Variants in CTNNA2 observed in about 807,000 individuals in gnomAD.
CTNNA2 encodes catenin alpha 2, also known as catenin alpha-2.
Under a neutral mutation model 101.0 loss-of-function variants are expected in CTNNA2, and 42 were observed. That is an observed-to-expected ratio of 0.42 (90% CI 0.32 to 0.54). CTNNA2 has a LOEUF of 0.54. Among genes scored for constraint, CTNNA2 ranks in the 20% least tolerant of loss-of-function variants. The pLI is 0.14. For synonymous variants in CTNNA2, 450 were observed against 456.4 expected (o/e 0.99, Z 0.18); for missense variants, 871 against 1,223.1 (o/e 0.71, Z 4.29).
intron 3 of CTNNA2, among the ~76,000 whole-genome samples, chr2:79,831,477 A>G (rs1376531880): frequency 6.6e-6 from 1 of 152,018 alleles, no homozygotes; most frequent in Non-Finnish European, 1.5e-5. Context: ...ATGTTCTTAG[A>G]TAAACAAGGT....
At chr2:79,541,944 T>C (rs1283170530) in intron 1 of CTNNA2, among the ~76,000 whole-genome samples, 9 of 152,106 alleles carry the variant, frequency 5.9e-5, no homozygotes, top group Admixed American at 5.2e-4. Flanking sequence ...ATAATTTTTA[T>C]GGAATGTGTG....
chr2:79,661,268 C>A (rs1035671047), intron 2 of CTNNA2, among the ~76,000 whole-genome samples: 1 of 152,112 alleles, frequency 6.6e-6, no homozygotes, highest in African/African-American at 2.4e-5. Flanking sequence ...AGTTAAGTAG[C>A]AAAACTTGTG....
intron 3 of CTNNA2, among the ~76,000 whole-genome samples, chr2:79,330,425 C>T (rs570515536): frequency 1.2e-4 from 19 of 152,196 alleles, no homozygotes; most frequent in East Asian, 7.7e-4. Context: ...GTGAAACTCA[C>T]GGGACTCAAC....
intron 9 of CTNNA2, among the ~76,000 whole-genome samples, chr2:80,507,034 G>A (rs1049697346): frequency 6.6e-6 from 1 of 152,176 alleles, no homozygotes; most frequent in African/African-American, 2.4e-5. Flanking sequence ...TGATTATTGT[G>A]ATGAAAGAGT....
chr2:79,637,244 A>G (rs17017378), intron 1 of CTNNA2, among the ~76,000 whole-genome samples: 16,688 of 152,254 alleles, frequency 0.11, 1,241 homozygotes, highest in East Asian at 0.36. Flanking sequence ...CTGCCTGGAA[A>G]GAGCCAGAAA....
intron 7 of CTNNA2, among the ~76,000 whole-genome samples, chr2:80,232,345 G>GTTTTTTTT (rs61454985): frequency 6.8e-4 from 44 of 64,792 alleles, no homozygotes; most frequent in Non-Finnish European, 9.0e-4. Flanking sequence ...TTGTTTGTTT[G>GTTTTTTTT]TTTTTTTTTT....
chr2:80,061,836 G>A (rs1262425079), intron 7 of CTNNA2, among the ~76,000 whole-genome samples: 1 of 152,014 alleles, frequency 6.6e-6, no homozygotes, highest in East Asian at 1.9e-4. Flanking sequence ...AGTGAATGAG[G>A]GAATGCATGA....
At chr2:80,642,863 G>C (rs1368554388) in intron 18 of CTNNA2, among the ~76,000 whole-genome samples, 1 of 152,120 alleles carries the variant, frequency 6.6e-6, no homozygotes, top group Non-Finnish European at 1.5e-5. Context: ...CTTTGCTCCA[G>C]TCTTTCTGCC....
intron 7 of CTNNA2, among the ~76,000 whole-genome samples, chr2:80,058,559 A>G (rs565590771): frequency 6.6e-6 from 1 of 152,350 alleles, no homozygotes. Context: ...CCAACCCAGC[A>G]AAATGTGTTA....
At chr2:79,955,196 T>G (rs879728516) in intron 7 of CTNNA2, among the ~76,000 whole-genome samples, 2 of 152,194 alleles carry the variant, frequency 1.3e-5, no homozygotes, top group Non-Finnish European at 2.9e-5. Context: ...TTTAGATCTC[T>G]TCATCTTGAT....
intron 7 of CTNNA2, among the ~76,000 whole-genome samples, chr2:80,171,050 C>T (rs1705017952): frequency 1.3e-5 from 2 of 152,162 alleles, no homozygotes; most frequent in Non-Finnish European, 2.9e-5. Flanking sequence ...TAAATACTAG[C>T]TCTGAAAAAG....
rs547273495 is a variant in CTNNA2 at position 79,573,285 on chromosome 2, C to A, written c.-6+60078C>A. 2.6e-4 allele frequency among the ~76,000 whole-genome samples: 39 copies of A among 152,290 alleles called. No individual in the cohort carries two copies. The South Asian group carries it at 7.9e-3, about 31-fold the overall frequency. On this transcript the variant is annotated intron_variant, in intron 1 of 18. Transcript: ENST00000402739. ...AGTAGGAAGTCTCCATAACGATAGG[C>A]AACAAGTGTCATCGCCAATGCTGAC...
At chr2:79,819,893 C>G (rs2974174) in intron 3 of CTNNA2, among the ~76,000 whole-genome samples, 21,315 of 151,312 alleles carry the variant, frequency 0.14, 1,893 homozygotes, top group East Asian at 0.37. Flanking sequence ...TCACATGTAC[C>G]CTATAAATAT....
intron 9 of CTNNA2, among the ~76,000 whole-genome samples, chr2:80,422,588 T>G (rs2149411443): frequency 6.6e-6 from 1 of 152,318 alleles, no homozygotes; most frequent in South Asian, 2.1e-4. Context: ...TTCTTTCAGA[T>G]ACTTTAATTA....
intron 3 of CTNNA2, among the ~76,000 whole-genome samples, chr2:79,799,248 A>T (rs1675967933): frequency 6.6e-6 from 1 of 151,680 alleles, no homozygotes; most frequent in Admixed American, 6.6e-5. Flanking sequence ...GTATATATAA[A>T]CATTGTATGT....
chr2:80,183,644 G>A (rs1332813993), intron 7 of CTNNA2, among the ~76,000 whole-genome samples: 5 of 152,040 alleles, frequency 3.3e-5, no homozygotes, highest in African/African-American at 9.7e-5. Context: ...CACTGCAGCC[G>A]GATGTTGTTT....
intron 7 of CTNNA2, among the ~76,000 whole-genome samples, chr2:80,074,347 G>A (rs1292485634): frequency 6.6e-6 from 1 of 152,110 alleles, no homozygotes; most frequent in Non-Finnish European, 1.5e-5. Context: ...AAATCACCGT[G>A]ACACAAAACA....
chr2:79,541,429 T>C (rs62141448), intron 1 of CTNNA2, among the ~76,000 whole-genome samples: 1,487 of 8,228 alleles, frequency 0.18, 9 homozygotes, highest in African/African-American at 0.44. Flanking sequence ...CACACACACA[T>C]ATATATATAT....
At chr2:79,481,490 A>T (rs921805631) in intron 4 of CTNNA2, among the ~76,000 whole-genome samples, 79 of 152,330 alleles carry the variant, frequency 5.2e-4, no homozygotes, top group South Asian at 3.3e-3. Flanking sequence ...AGGCAAAAAA[A>T]AAGAAGTTTA....
Sources: gnomAD v4.1 joint callset for allele counts (sites outside exome capture counted in the v4.1 genomes callset) on GRCh38, gnomAD v4.1.1 for gene constraint, MANE v1.5 for transcripts, NCBI Gene and HGNC (gene_info 2026-07-23, HGNC 2026-07-21) for gene names.